The following GMCL1 variants were observed in gnomAD, a reference collection of about 807,000 sequenced individuals.
GMCL1 encodes germ cell-less protein-like 1.
A neutral mutation model predicts 75.5 loss-of-function variants in GMCL1; 54 were observed. The observed-to-expected ratio is 0.71, with a 90% CI of 0.57 to 0.90. GMCL1 has a LOEUF of 0.90. Ranked by LOEUF, GMCL1 falls within the 40% of genes least tolerant of loss-of-function variation. GMCL1 has a pLI of 0.00. For synonymous variants in GMCL1, 210 were observed against 209.6 expected (o/e 1.00, Z -0.02); for missense variants, 537 against 622.7 (o/e 0.86, Z 1.47).
Position 69,837,533 on chromosome 2 carries a change from ATTTCT to A in GMCL1, c.261-10_261-6del, listed in dbSNP as rs1158566524. ...TTTTATATAAATATGTGACTTTTTC[ATTTCT>A]TTTAACAGGAAAAAATTAAAGAGTA... On this transcript the variant is annotated splice_polypyrimidine_tract_variant and intron_variant, in intron 1 of 13. Coordinates refer to ENST00000282570, the MANE Select transcript of GMCL1 (RefSeq NM_178439.5). 1.3e-6 allele frequency: 2 copies of A among 1,495,866 alleles called. No homozygotes were observed. Among genetic ancestry groups the A allele is most frequent in the South Asian group, 1.3e-5 (1 of 78,822 alleles). 92.7% of individuals were successfully genotyped at this position (1,495,866 alleles called of 1,614,324 possible).
rs1251328099 is a variant in GMCL1, at chr2:69,854,834, A to T, written c.946A>T (p.Met316Leu). 3 of 1,608,540 alleles carry T rather than the reference A, an allele frequency of 1.9e-6. No homozygotes were observed. The highest frequency in any genetic ancestry group is 2.5e-6 in the Non-Finnish European group (3 of 1,178,294). ...ATGGTTTTTTATAGATTTTGAAGGTATGGCCTTTCTTGAAACTGAACAAGG... is the reference window on the plus strand; with the variant it reads ...ATGGTTTTTTATAGATTTTGAAGGTTTGGCCTTTCTTGAAACTGAACAAGG... Reference protein sequence around the residue: ...FSKQRKDFEGMAFLETEQGKP... With the variant: ...FSKQRKDFEGLAFLETEQGKP... The change falls in exon 9 of 14, where the codon ATG becomes TTG. Residue 316 changes from methionine (M) to leucine (L), a missense_variant. Transcript: ENST00000282570.
At chr2:69,842,384 T>A (rs1675011682) in intron 4 of GMCL1, among the ~76,000 whole-genome samples, 1 of 152,262 alleles carries the variant, frequency 6.6e-6, no homozygotes, top group African/African-American at 2.4e-5. Context: ...TTGCTAAATA[T>A]CCTTGGTTGA....
At chr2:69,834,726 C>T (rs1674772796) in intron 1 of GMCL1, among the ~76,000 whole-genome samples, 1 of 152,080 alleles carries the variant, frequency 6.6e-6, no homozygotes, top group Non-Finnish European at 1.5e-5. Flanking sequence ...TTGTTGGATC[C>T]TTATAATCTG....
chr2:69,839,819 G>A (rs1674931834), intron 3 of GMCL1, among the ~76,000 whole-genome samples: 1 of 147,326 alleles, frequency 6.8e-6, no homozygotes, highest in Admixed American at 6.9e-5. Context: ...TAGGATGGAG[G>A]AAGGAAAAGT....
Position 69,841,028 on chromosome 2 carries a change from T to C in GMCL1, c.568T>C (p.Leu190=). ...TGTTGCCATTTTGGCAGCAGCTTGTTTGCTGCAGTTGGTAAGTATGCACGT... is the reference window on the plus strand; with the variant it reads ...TGTTGCCATTTTGGCAGCAGCTTGTCTGCTGCAGTTGGTAAGTATGCACGT... ...RVVAILAAAC[L]LQLDGLIQQC... Residue 190 remains leucine (L), a synonymous_variant, in exon 4 of 14, where the codon TTG becomes CTG. Transcript: ENST00000282570. 1 of 1,612,532 alleles carries C rather than the reference T, an allele frequency of 6.2e-7. No homozygotes were observed. Among genetic ancestry groups the C allele is most frequent in the African/African-American group, 1.3e-5 (1 of 75,032 alleles).
intron 9 of GMCL1, among the ~76,000 whole-genome samples, chr2:69,860,296 C>T (rs1392068536): frequency 6.6e-6 from 1 of 152,046 alleles, no homozygotes; most frequent in East Asian, 1.9e-4. Context: ...CTGGCCTACT[C>T]TTATTTTTAA....
chr2:69,829,692 G>T lies in GMCL1; in HGVS notation c.-201G>T. On this transcript the variant is annotated 5_prime_UTR_variant, in exon 1 of 14. Coordinates refer to ENST00000282570, the MANE Select transcript of GMCL1 (RefSeq NM_178439.5). The stretch of plus-strand genomic sequence containing the variant: ...TGCGAAAGCGAGGGGGCGAGGTGCT[G>T]CGGTGCTAGAGCGCGGCGCGACCGG... 2 of 569,214 alleles carry T rather than the reference G, an allele frequency of 3.5e-6. No individual in the cohort carries two copies. Among genetic ancestry groups the T allele is most frequent in the Non-Finnish European group, 6.0e-6 (2 of 335,436 alleles). 35.3% of individuals were successfully genotyped at this position (569,214 alleles called of 1,614,324 possible).
Position 69,829,966 on chromosome 2 carries a change from C to A in GMCL1, c.74C>A (p.Ala25Glu). ...GCCCAGCAGGCGCAGGGTGCCAGGG[C>A]GGGGGGCTCGGCCCGGAGGCCGGAC... is the stretch of plus-strand genomic sequence containing the variant. ...ALAQQAQGARAGGSARRPDTG... is the reference protein window; with the variant it reads ...ALAQQAQGAREGGSARRPDTG... Residue 25 changes from alanine (A) to glutamate (E), a missense_variant, in exon 1 of 14, where the codon GCG (alanine) becomes GAG (glutamate). Physicochemically the swap from Ala to Glu is moderately radical, Grantham distance 107. This residue lies in a region of GMCL1 where 144 missense variants were observed against 127.2 expected (regional missense o/e 1.13). Transcript: ENST00000282570. 1.9e-6 allele frequency: 3 copies of A among 1,587,060 alleles called. No individual in the cohort carries two copies. The highest frequency in any genetic ancestry group is 2.6e-6 in the Non-Finnish European group (3 of 1,166,470).
intron 6 of GMCL1, among the ~76,000 whole-genome samples, chr2:69,845,409 T>C (rs1228980139): frequency 6.6e-6 from 1 of 152,192 alleles, no homozygotes; most frequent in East Asian, 1.9e-4. Context: ...CAATGAGGAC[T>C]GCCCACCCTG....
At chr2:69,852,906 C>A (rs1431674538) in intron 8 of GMCL1, among the ~76,000 whole-genome samples, 2 of 152,124 alleles carry the variant, frequency 1.3e-5, no homozygotes, top group African/African-American at 4.8e-5. Flanking sequence ...TGGATCAGGA[C>A]TACAAGAAAC....
In GMCL1 at chr2:69,854,344, A is replaced by G. The variant is rs764002759; in HGVS notation, c.935-479A>G. 1.8e-4 allele frequency among the ~76,000 whole-genome samples: 27 copies of G among 152,230 alleles called. No individual in the cohort carries two copies. In the Middle Eastern group the frequency reaches 0.017, roughly 96 times the overall value. On this transcript the variant is annotated intron_variant, in intron 8 of 13. Transcript: ENST00000282570. ...AGTGTCTTTCTTATTTTGTATTTCA[A>G]TAGAGAATTAATATATTAACTAGTG...
chr2:69,862,438 C>A (rs1035952763), intron 10 of GMCL1, among the ~76,000 whole-genome samples: 6 of 151,870 alleles, frequency 4.0e-5, no homozygotes, highest in African/African-American at 1.5e-4. Flanking sequence ...AACATATTCC[C>A]AGTATATTTA....
In GMCL1 at chr2:69,881,347, A is replaced by G. The variant is rs780542564; in HGVS notation, c.*2343A>G. ...CTTTTCAATAGAAATATTTTCAATA[A>G]AGTGTTAATAGTGTAAGATAAAGTA... On this transcript the variant is annotated 3_prime_UTR_variant, in exon 14 of 14. Coordinates refer to ENST00000282570, the MANE Select transcript of GMCL1 (RefSeq NM_178439.5). 5 of 152,220 alleles carry G rather than the reference A, an allele frequency of 3.3e-5. No homozygotes were observed. Among genetic ancestry groups the G allele is most frequent in the Admixed American group, 6.5e-5 (1 of 15,280 alleles). The allele number at this position is 152,220 out of a possible 1,614,324, so 9.4% of individuals were successfully genotyped here.
rs1180430015 is a variant in GMCL1 at position 69,880,634 on chromosome 2, G to T, written c.*1630G>T. The stretch of plus-strand genomic sequence containing the variant: ...AGGCAGGCAGATCATCTGAGGTCAG[G>T]AGTTTAAGATCAGCCATGACCAACA... On this transcript the variant is annotated 3_prime_UTR_variant, in exon 14 of 14. Transcript: ENST00000282570. The T allele has an allele frequency of 6.6e-6, 1 of 152,216 alleles. No individual in the cohort carries two copies. Among genetic ancestry groups the T allele is most frequent in the East Asian group, 1.9e-4 (1 of 5,198 alleles). 9.4% of individuals were successfully genotyped at this position (152,216 alleles called of 1,614,324 possible).
chr2:69,876,038 T>C (rs1676121307), intron 13 of GMCL1, among the ~76,000 whole-genome samples: 1 of 152,206 alleles, frequency 6.6e-6, no homozygotes, highest in Non-Finnish European at 1.5e-5. Flanking sequence ...TTTGTTCTAA[T>C]AGTTTTTGAT....
At chr2:69,859,727 G>A (rs987799313) in intron 9 of GMCL1, among the ~76,000 whole-genome samples, 7 of 77,818 alleles carry the variant, frequency 9.0e-5, no homozygotes, top group East Asian at 4.5e-4. Flanking sequence ...GAGTGAGACC[G>A]TGTCTCTCTC....
chr2:69,838,242 C>A (rs923718600), intron 2 of GMCL1, among the ~76,000 whole-genome samples: 2 of 142,998 alleles, frequency 1.4e-5, no homozygotes, highest in Admixed American at 7.6e-5. Context: ...GAGGCTGAGG[C>A]AGGAGAATTG....
chr2:69,861,314 C>G lies in GMCL1; in HGVS notation c.1109C>G (p.Ala370Gly). The stretch of plus-strand genomic sequence containing the variant: ...TCTGTGTATAAACAGCAGTGGTTTG[C>G]TATGCTGCGGGCAGAACAGGACAGT... ...LSSVYKQQWF[A>G]MLRAEQDSEV... The change falls in exon 10 of 14, where the codon GCT becomes GGT. Residue 370 changes from alanine (A) to glycine (G), a missense_variant. Physicochemically the swap from Ala to Gly is moderately conservative, Grantham distance 60 (BLOSUM62 0). This residue lies in a region of GMCL1 where 345 missense variants were observed against 410.5 expected (regional missense o/e 0.84). Coordinates refer to ENST00000282570, the MANE Select transcript of GMCL1 (RefSeq NM_178439.5). The G allele has an allele frequency of 1.2e-6, 2 of 1,610,068 alleles. No individual in the cohort carries two copies. The highest frequency in any genetic ancestry group is 2.2e-5 in the South Asian group (2 of 90,804).
chr2:69,843,289 T>C, intron 5 of GMCL1, 28 bp downstream of exon 5: 3 of 1,235,512 alleles, frequency 2.4e-6, no homozygotes, highest in East Asian at 4.7e-5. Flanking sequence ...TTTTTCTTCC[T>C]ATCCCACTTT....
Sources: gnomAD v4.1 joint callset for allele counts (sites outside exome capture counted in the v4.1 genomes callset) on GRCh38, gnomAD v4.1.1 for gene constraint, gnomAD v4.1.1 regional missense constraint, MANE v1.5 for transcripts, NCBI Gene and HGNC (gene_info 2026-07-23, HGNC 2026-07-21) for gene names.